Variants in POLR1B observed in about 807,000 individuals in gnomAD.
POLR1B encodes the protein DNA-directed RNA polymerase I subunit RPA2.
A neutral mutation model predicts 105.8 loss-of-function variants in POLR1B; 30 were observed. That is an observed-to-expected ratio of 0.28 (90% confidence interval 0.21 to 0.38). The LOEUF (loss-of-function observed/expected upper bound fraction) is 0.38. Ranked by LOEUF, POLR1B falls within the 10% of genes least tolerant of loss-of-function variation. POLR1B has a pLI of 1.00. For missense variants in POLR1B, 976 were observed against 1,435.8 expected (o/e 0.68, Z 5.17); for synonymous variants, 485 against 505.1 (o/e 0.96, Z 0.53).
chr2:112,548,698 C>T (rs1032155815), intron 3 of POLR1B, among the ~76,000 whole-genome samples: 5 of 151,908 alleles, frequency 3.3e-5, no homozygotes, highest in Admixed American at 6.6e-5. Context: ...CTGCAAGCTC[C>T]GCCTCCTGGG....
At position 112,570,969 on chromosome 2, in the gene POLR1B, A is replaced by G. The variant is rs532491212; in HGVS notation, c.2075-1593A>G. 4.0e-3 allele frequency among the ~76,000 whole-genome samples: 612 copies of G among 152,042 alleles called. 4 individuals carry two copies. Among genetic ancestry groups the G allele is most frequent in the Middle Eastern group, 0.01 (3 of 294 alleles). On this transcript the variant is annotated intron_variant, in intron 12 of 14. Transcript: ENST00000263331. ...AATTTTTTGTATTTTTAGTAGAGGC[A>G]GGGTTTTATCATGTTGGCCAGGCTG... is the stretch of plus-strand genomic sequence containing the variant.
rs1013683703 is a variant in POLR1B, at chr2:112,548,228, G to A, written c.492+661G>A. 3 of 152,354 alleles carry A rather than the reference G, an allele frequency of 2.0e-5. No homozygotes were observed. The Middle Eastern group carries it at 0.01, about 518-fold the overall frequency. 9.4% of individuals were successfully genotyped at this position (152,354 alleles called of 1,614,324 possible). A position where few individuals can be genotyped will look rare whatever the true frequency, so the allele number is the denominator to read the frequency against. ...CTACTAAATAGGTAGATGGTGTTAT[G>A]TGGTGGGAAGAGGGTTTTGGTGTCA... On this transcript the variant is annotated intron_variant, in intron 3 of 14. Transcript: ENST00000263331.
chr2:112,555,074 A>G (rs932212417), intron 7 of POLR1B, among the ~76,000 whole-genome samples: 18 of 152,154 alleles, frequency 1.2e-4, no homozygotes, highest in Non-Finnish European at 2.5e-4. Context: ...CCAGCTACTC[A>G]GGAGGCTGAG....
rs34754362 is a variant in POLR1B at position 112,575,249 on chromosome 2, C to G, written c.2928C>G (p.Thr976=). The change falls in exon 15 of 15, where the codon ACC becomes ACG. Residue 976 remains threonine, a synonymous_variant. Transcript: ENST00000263331. The surrounding 1 kb of genome is among the most constrained non-coding windows in gnomAD (Gnocchi z 5.3). ...CTGCTGGCTACAATTTCTATGGCAC[C>G]GAGAGGTTATATAGTGGCATCAGTG... The part of the protein sequence containing the change: ...LKAAGYNFYG[T]ERLYSGISGL... 3.1e-6 allele frequency: 5 copies of G among 1,614,014 alleles called. No individual in the cohort carries two copies. The South Asian group carries it at 5.5e-5, about 18-fold the overall frequency.
intron 9 of POLR1B, 92 bp downstream of exon 9, chr2:112,559,666 T>C (rs148428909): frequency 1.4e-6 from 2 of 1,465,008 alleles, no homozygotes; most frequent in East Asian, 2.3e-5. Context: ...AGTGTTGCTA[T>C]GTCGCCCAGG....
intron 8 of POLR1B, among the ~76,000 whole-genome samples, chr2:112,558,615 G>A (rs2104539568): frequency 6.6e-6 from 1 of 151,006 alleles, no homozygotes; most frequent in South Asian, 2.2e-4. Context: ...TGGGAATTCA[G>A]AATTTTTTTT....
rs978082329 is a variant in POLR1B at position 112,576,313 on chromosome 2, C to G, written c.*584C>G. ...TCATCTCCACAAGTTTCCTCCTGCC[C>G]CTTTGTTTTTTGCTTTTTGGTTGCT... is the stretch of plus-strand genomic sequence containing the variant. On this transcript the variant is annotated 3_prime_UTR_variant, in exon 15 of 15. Coordinates refer to ENST00000263331, the MANE Select transcript of POLR1B (RefSeq NM_019014.6). The G allele has an allele frequency of 4.0e-5, 6 of 150,050 alleles. No homozygotes were observed. Among genetic ancestry groups the G allele is most frequent in the African/African-American group, 1.5e-4 (6 of 41,144 alleles). 9.3% of individuals were successfully genotyped at this position (150,050 alleles called of 1,614,324 possible). A position where few individuals can be genotyped will look rare whatever the true frequency, so the allele number is the denominator to read the frequency against.
intron 10 of POLR1B, 147 bp downstream of exon 10, chr2:112,564,646 G>C: frequency 9.0e-7 from 1 of 1,107,490 alleles, no homozygotes; most frequent in Non-Finnish European, 1.3e-6. Context: ...ATTCCCTCTG[G>C]TGACAGAGGC....
upstream of POLR1B, chr2:112,542,205 G>C (rs1682783640): frequency 6.5e-7 from 1 of 1,535,724 alleles, no homozygotes; most frequent in Non-Finnish European, 8.7e-7. Context: ...GTTTCCACCT[G>C]CGGCATCTTT....
chr2:112,575,435 G>C lies in POLR1B; in HGVS notation c.3114G>C (p.Gly1038=). ...ATGTCCAGGGTGGAATCCGTTTTGG[G>C]GAGATGGAACGGGATGCGCTTTTAG... ...GRNVQGGIRF[G]EMERDALLAH... The change falls in exon 15 of 15, where the codon GGG becomes GGC. Residue 1038 remains glycine, a synonymous_variant. Transcript: ENST00000263331. This position sits in a 1 kb window ranked among gnomAD's most constrained non-coding sequence, Gnocchi z 5.3. 1 of 1,614,178 alleles carries C rather than the reference G, an allele frequency of 6.2e-7. No homozygotes were observed. Among genetic ancestry groups the C allele is most frequent in the South Asian group, 1.1e-5 (1 of 91,086 alleles).
In POLR1B at chr2:112,568,620, A is replaced by G; in HGVS notation, c.1918-126A>G. 2.8e-6 allele frequency: 3 copies of G among 1,060,332 alleles called. No individual in the cohort carries two copies. In the Admixed American group the frequency reaches 6.7e-5, roughly 24 times the overall value. The allele number at this position is 1,060,332 out of a possible 1,614,324, so 65.7% of individuals were successfully genotyped here. A position where few individuals can be genotyped will look rare whatever the true frequency, so the allele number is the denominator to read the frequency against. ...CCTGTGCTTCCCAGTTGATCCCTTCAGCACTCATGATGCTGGGTGGGGATG... is the reference window on the plus strand; with the variant it reads ...CCTGTGCTTCCCAGTTGATCCCTTCGGCACTCATGATGCTGGGTGGGGATG... On this transcript the variant is annotated intron_variant, in intron 11 of 14. Transcript: ENST00000263331.
chr2:112,551,515 G>C (rs1462551188), intron 5 of POLR1B, among the ~76,000 whole-genome samples: 1 of 152,120 alleles, frequency 6.6e-6, no homozygotes, highest in Non-Finnish European at 1.5e-5. Context: ...ACATTCTCTT[G>C]GTCAAGCAGG....
At position 112,578,094 on chromosome 2, in the gene POLR1B, A is replaced by T. The variant is rs567262133; in HGVS notation, c.*2365A>T. Among the ~76,000 whole-genome samples, 10 of 152,284 alleles carry T rather than the reference A, an allele frequency of 6.6e-5. No individual in the cohort carries two copies. Among genetic ancestry groups the T allele is most frequent in the Admixed American group, 5.9e-4 (9 of 15,300 alleles). ...GCAGCACTAAAAACATTCCCAAAAA[A>T]AATGTTTTTTAGCTTTTTAACTGTA... On this transcript the variant is annotated 3_prime_UTR_variant, in exon 15 of 15. Coordinates refer to ENST00000263331, the MANE Select transcript of POLR1B (RefSeq NM_019014.6).
intron 1 of POLR1B, among the ~76,000 whole-genome samples, chr2:112,543,996 G>A (rs1682905061): frequency 6.6e-6 from 1 of 151,616 alleles, no homozygotes; most frequent in African/African-American, 2.4e-5. Context: ...GGCTGAGGTG[G>A]GAGGATAAGT....
intron 10 of POLR1B, among the ~76,000 whole-genome samples, chr2:112,566,459 A>G (rs1684277577): frequency 6.6e-6 from 1 of 152,204 alleles, no homozygotes; most frequent in Admixed American, 6.5e-5. Flanking sequence ...TTCCCCCACC[A>G]GCATTTTTTC....
intron 10 of POLR1B, 141 bp downstream of exon 10, chr2:112,564,640 C>T: frequency 3.5e-6 from 4 of 1,147,726 alleles, no homozygotes; most frequent in Non-Finnish European, 5.0e-6. Flanking sequence ...CTGTGCATTC[C>T]CTCTGGTGAC....
chr2:112,572,091 A>G (rs1018371537), intron 12 of POLR1B, among the ~76,000 whole-genome samples: 2 of 152,198 alleles, frequency 1.3e-5, no homozygotes, highest in African/African-American at 4.8e-5. Flanking sequence ...ACACAGAGGA[A>G]TCTCACCCCA....
Position 112,556,347 on chromosome 2 carries a change from G to A in POLR1B, c.1159-1563G>A, listed in dbSNP as rs541763393. Among the ~76,000 whole-genome samples the A allele has an allele frequency of 9.6e-4, 146 of 152,280 alleles. 3 individuals are homozygous for A. The South Asian group carries it at 0.03, about 31-fold the overall frequency. On this transcript the variant is annotated intron_variant, in intron 7 of 14. Coordinates refer to ENST00000263331, the MANE Select transcript of POLR1B (RefSeq NM_019014.6). ...CTGTACATTACAGATTTTTAGCAGTGTACTTACAAATCCTACTAGTGTGTA... is the reference window on the plus strand; with the variant it reads ...CTGTACATTACAGATTTTTAGCAGTATACTTACAAATCCTACTAGTGTGTA...
In POLR1B at chr2:112,571,029, C is replaced by T. The variant is rs180803539; in HGVS notation, c.2075-1533C>T. 4.6e-3 allele frequency among the ~76,000 whole-genome samples: 705 copies of T among 152,308 alleles called. 2 individuals carry two copies. The highest frequency in any genetic ancestry group is 7.4e-3 in the Non-Finnish European group (505 of 68,034). ...TCCTGACCTCAAATGATCTGCCTGC[C>T]TCAGCCTCCCAAAGTGCTGGGATTA... On this transcript the variant is annotated intron_variant, in intron 12 of 14. Coordinates refer to ENST00000263331, the MANE Select transcript of POLR1B (RefSeq NM_019014.6).
Sources: gnomAD v4.1 joint callset for allele counts (sites outside exome capture counted in the v4.1 genomes callset) on GRCh38, gnomAD v4.1.1 for gene constraint, Gnocchi (gnomAD v3.1) non-coding constraint, MANE v1.5 for transcripts, NCBI Gene and HGNC (gene_info 2026-07-23, HGNC 2026-07-21) for gene names.